The following TFR2 variants were observed in gnomAD, a reference collection of about 807,000 sequenced individuals.
The protein encoded by TFR2 is transferrin receptor 2, also known as transferrin receptor protein 2.
A neutral mutation model predicts 91.9 loss-of-function variants in TFR2; 64 were observed. The ratio of observed to expected loss-of-function variants is 0.70; its 90% confidence interval spans 0.57 to 0.86. The LOEUF is 0.86. Among genes scored for constraint, TFR2 ranks in the 40% least tolerant of loss-of-function variants. The pLI is 0.00. For missense variants in TFR2, 950 were observed against 1,080.5 expected (o/e 0.88, Z 1.69); for synonymous variants, 454 against 459.6 (o/e 0.99, Z 0.15).
intron 3 of TFR2, among the ~76,000 whole-genome samples, chr7:100,639,439 A>G (rs1483343130): frequency 6.6e-6 from 1 of 152,224 alleles, no homozygotes; most frequent in African/African-American, 2.4e-5. Flanking sequence ...TCAATTTTAA[A>G]AAGCTGTCTG....
chr7:100,640,566 T>G (rs568966942), intron 3 of TFR2, 120 bp downstream of exon 3: 1 of 1,159,392 alleles, frequency 8.6e-7, no homozygotes, highest in African/African-American at 1.5e-5. Flanking sequence ...GGAAGGCAGA[T>G]GGGAGGACTC....
chr7:100,632,167 C>A lies in TFR2; in HGVS notation c.881G>T (p.Gly294Val). 6.2e-7 allele frequency: 1 copy of A among 1,614,072 alleles called. No homozygotes were observed. Among genetic ancestry groups the A allele is most frequent in the Non-Finnish European group, 8.5e-7 (1 of 1,180,002 alleles). Reference sequence around the variant, plus strand: ...CGCTGGCTCTGGGTATATGAGCACTCCTTGAGCCCCGAAGTCCTGAGCATT... The same window carrying A: ...CGCTGGCTCTGGGTATATGAGCACTACTTGAGCCCCGAAGTCCTGAGCATT... Reference protein sequence around the residue: ...VTNAQDFGAQGVLIYPEPADF... With the variant: ...VTNAQDFGAQVVLIYPEPADF... The change falls in exon 7 of 18, where the codon GGA becomes GTA. Residue 294 changes from glycine to valine, a missense_variant. Transcript: ENST00000223051.
chr7:100,631,305 CTTT>C (rs542161282), intron 8 of TFR2, among the ~76,000 whole-genome samples: 977 of 95,672 alleles, frequency 0.01, 11 homozygotes, highest in South Asian at 0.026. Flanking sequence ...AGAAGAGTCA[CTTT>C]TTTTTTTTTT....
Position 100,640,762 on chromosome 7 carries a change from C to T in TFR2, c.397G>A (p.Gly133Ser). The change falls in exon 3 of 18, where the codon GGC becomes AGC. Residue 133 changes from glycine (G) to serine (S), a missense_variant. Gly to Ser is a moderately conservative substitution (Grantham distance 56). Transcript: ENST00000223051. The part of the protein sequence containing the change: ...NYEPDLDFHQ[G>S]RLYWSDLQAM... Reference sequence around the variant, plus strand: ...TGGAGGTCGCTCCAGTAGAGTCTGCCCTGGTGGAAATCCAGGTCAGGCTCA... The same window carrying T: ...TGGAGGTCGCTCCAGTAGAGTCTGCTCTGGTGGAAATCCAGGTCAGGCTCA... 6.2e-7 allele frequency: 1 copy of T among 1,614,108 alleles called. No homozygotes were observed. The highest frequency in any genetic ancestry group is 1.1e-5 in the South Asian group (1 of 91,082).
chr7:100,628,371 C>A, intron 10 of TFR2, 65 bp from the exon 11 acceptor site: 1 of 1,499,082 alleles, frequency 6.7e-7, no homozygotes. Flanking sequence ...CCCTTGTCTT[C>A]TTCTGTCCTG....
rs1803204602 is a variant in TFR2, at chr7:100,624,681, T to C, written c.2136+2082A>G. On this transcript the variant is annotated intron_variant, in intron 17 of 17. Transcript: ENST00000223051. ...AGGATTTTGAGACAAGCCTGGACAATATAGTGAGATCCCATCTCTACAAAA... is the reference window on the plus strand; with the variant it reads ...AGGATTTTGAGACAAGCCTGGACAACATAGTGAGATCCCATCTCTACAAAA... Among the ~76,000 whole-genome samples, 2 of 151,784 alleles carry C rather than the reference T, an allele frequency of 1.3e-5. 1 individual carries two copies. Among genetic ancestry groups the C allele is most frequent in the South Asian group, 4.2e-4 (2 of 4,816 alleles).
At chr7:100,631,116 T>A in intron 8 of TFR2, 64 bp from the exon 9 acceptor site, 1 of 1,431,032 alleles carries the variant, frequency 7.0e-7, no homozygotes, top group Non-Finnish European at 9.2e-7. Context: ...CAAATCACTC[T>A]TTTCCTTATT....
At chr7:100,633,158 C>A in intron 5 of TFR2, 35 bp from the exon 6 acceptor site, 1 of 1,613,156 alleles carries the variant, frequency 6.2e-7, no homozygotes, top group Non-Finnish European at 8.5e-7. Context: ...GCGCTCCCCG[C>A]GTCCCTCCTT....
At chr7:100,631,173 C>A in intron 8 of TFR2, 121 bp from the exon 9 acceptor site, 1 of 1,201,718 alleles carries the variant, frequency 8.3e-7, no homozygotes, top group Non-Finnish European at 1.1e-6. Context: ...CCTCTGGACG[C>A]TGCCTGGGTA....
rs1185718641 is a variant in TFR2, at chr7:100,631,046, G to T, written c.1113C>A (p.Leu371=). 6.4e-7 allele frequency: 1 copy of T among 1,573,948 alleles called. No homozygotes were observed. The highest frequency in any genetic ancestry group is 1.2e-5 in the South Asian group (1 of 85,898). The part of the protein sequence containing the change: ...ADIASRLLRK[L]KGPVAPQEWQ... ...ATTCTTGGGGGGCCACAGGGCCTTT[G>T]AGCTTCCTGGAGAGGAGGAAGGCAG... The change falls in exon 9 of 18, where the codon CTC becomes CTA. Residue 371 remains leucine (L), a synonymous_variant. Coordinates refer to ENST00000223051, the MANE Select transcript of TFR2 (RefSeq NM_003227.4).
Position 100,620,954 on chromosome 7 carries a change from C to T in TFR2, c.2309G>A (p.Ser770Asn), listed in dbSNP as rs1056902167. 2 of 1,613,776 alleles carry T rather than the reference C, an allele frequency of 1.2e-6. No individual in the cohort carries two copies. The highest frequency in any genetic ancestry group is 1.7e-6 in the Non-Finnish European group (2 of 1,179,870). Residue 770 changes from serine (S) to asparagine (N), a missense_variant, in exon 18 of 18, where the codon AGC becomes AAC. By Grantham distance (46) the Ser-to-Asn change is conservative. Transcript: ENST00000223051. The stretch of plus-strand genomic sequence containing the variant: ...CAGGGCTAGCTGACGCCGGAAACGG[C>T]TCTCCTGGAAGCCAGTGGAGGAGGT... The part of the protein sequence containing the change: ...GATSSTGFQE[S>N]RFRRQLALLT...
chr7:100,636,474 C>A (rs1562843563), intron 3 of TFR2, among the ~76,000 whole-genome samples: 1 of 152,050 alleles, frequency 6.6e-6, no homozygotes, highest in Non-Finnish European at 1.5e-5. Flanking sequence ...CTGTGCCTGG[C>A]CCGTATCCTG....
In TFR2 at chr7:100,632,213, G is replaced by A. The variant is rs556690461; in HGVS notation, c.850-15C>T. The stretch of plus-strand genomic sequence containing the variant: ...GCATTGGTCACCTGGGGAGGAAGGT[G>A]ACTAGAGGACTCCTCCCAGAAAAAA... On this transcript the variant is annotated splice_polypyrimidine_tract_variant and intron_variant, in intron 6 of 17. Coordinates refer to ENST00000223051, the MANE Select transcript of TFR2 (RefSeq NM_003227.4). 6.2e-7 allele frequency: 1 copy of A among 1,610,338 alleles called. No individual in the cohort carries two copies. The highest frequency in any genetic ancestry group is 1.3e-5 in the African/African-American group (1 of 74,920).
At chr7:100,631,683 A>G (rs1274251334) in intron 8 of TFR2, 123 bp downstream of exon 8, 2 of 1,355,302 alleles carry the variant, frequency 1.5e-6, no homozygotes, top group Non-Finnish European at 2.0e-6. Context: ...TGGTGTAGTC[A>G]TGGCTCACTG....
intron 3 of TFR2, among the ~76,000 whole-genome samples, chr7:100,633,989 C>G (rs2131321541): frequency 6.6e-6 from 1 of 151,738 alleles, no homozygotes; most frequent in South Asian, 2.1e-4. Flanking sequence ...ATTACAGGCG[C>G]GAGCCGCAGT....
intron 17 of TFR2, among the ~76,000 whole-genome samples, chr7:100,622,933 TG>T (rs1309937177): frequency 1.4e-5 from 2 of 147,214 alleles, no homozygotes; most frequent in East Asian, 2.0e-4. Flanking sequence ...CCCTCCAGCC[TG>T]GGTGACAGAG....
At chr7:100,628,163 G>A in intron 11 of TFR2, 27 bp from the exon 12 acceptor site, 4 of 1,614,024 alleles carry the variant, frequency 2.5e-6, no homozygotes, top group South Asian at 2.2e-5. Flanking sequence ...AGTGTGGAGT[G>A]GGAACCCCCC....
At position 100,641,460 on chromosome 7, in the gene TFR2, A is replaced by T. The variant is rs760479718; in HGVS notation, c.33+17T>A. On this transcript the variant is annotated intron_variant, in intron 1 of 17. Coordinates refer to ENST00000223051, the MANE Select transcript of TFR2 (RefSeq NM_003227.4). The stretch of plus-strand genomic sequence containing the variant: ...GAGAGAAGGCCTAAGGGGTCTTCCC[A>T]ATCCCACTAGTCTTACCGCTCTCTG... 1 of 1,613,768 alleles carries T rather than the reference A, an allele frequency of 6.2e-7. No individual in the cohort carries two copies. The highest frequency in any genetic ancestry group is 2.2e-5 in the East Asian group (1 of 44,850).
In TFR2 at chr7:100,632,987, C is replaced by G. The variant is rs764877859; in HGVS notation, c.849+14G>C. The stretch of plus-strand genomic sequence containing the variant: ...TCCCGGGCTCAAGCCCTCCCTCTGT[C>G]CAGGGACACTTACCTTCTGGGCGAA... On this transcript the variant is annotated intron_variant, in intron 6 of 17. Coordinates refer to ENST00000223051, the MANE Select transcript of TFR2 (RefSeq NM_003227.4). 1 of 1,613,576 alleles carries G rather than the reference C, an allele frequency of 6.2e-7. No homozygotes were observed. Among genetic ancestry groups the G allele is most frequent in the African/African-American group, 1.3e-5 (1 of 74,914 alleles).
Sources: allele counts gnomAD v4.1 joint callset (sites outside exome capture counted in the v4.1 genomes callset), GRCh38; gene constraint gnomAD v4.1.1; transcripts MANE v1.5; gene names NCBI Gene and HGNC (gene_info 2026-07-23, HGNC 2026-07-21).